Variants in AFTPH observed in about 807,000 individuals in gnomAD.
The protein encoded by AFTPH is aftiphilin.
In AFTPH, 7 loss-of-function variants were observed where a neutral mutation model predicts 72.5. That is an observed-to-expected ratio of 0.10 (90% CI 0.05 to 0.18). AFTPH has a LOEUF of 0.18. Among genes scored for constraint, AFTPH ranks in the 10% least tolerant of loss-of-function variants. The pLI, the probability that AFTPH is intolerant of heterozygous loss-of-function variation, is 1.00. For synonymous variants in AFTPH, 337 were observed against 370.1 expected, an observed-to-expected ratio of 0.91 and a Z score of 1.03; for missense variants, 979 against 1,060.5, an observed-to-expected ratio of 0.92 and a Z score of 1.07.
intron 3 of AFTPH, among the ~76,000 whole-genome samples, 154 bp downstream of exon 3, chr2:64,567,867 C>T (rs1672178479): frequency 6.6e-6 from 1 of 151,102 alleles, no homozygotes; most frequent in Non-Finnish European, 1.5e-5. Context: ...ATGGTGAAAC[C>T]CTGTCTCTAC....
At chr2:64,549,617 A>T (rs1291167566) in intron 1 of AFTPH, among the ~76,000 whole-genome samples, 2 of 152,014 alleles carry the variant, frequency 1.3e-5, no homozygotes, top group Non-Finnish European at 2.9e-5. Context: ...TTTGCTTGTA[A>T]TGTTAAATCT....
intron 1 of AFTPH, among the ~76,000 whole-genome samples, chr2:64,525,312 A>C (rs1005161472): frequency 2.6e-5 from 4 of 152,042 alleles, no homozygotes; most frequent in African/African-American, 9.7e-5. Context: ...CAGAGTATGG[A>C]GTGAGGGGTG....
intron 5 of AFTPH, 140 bp from the exon 6 acceptor site, chr2:64,572,803 TAAA>T (rs147232569): frequency 0.011 from 10,945 of 963,436 alleles, 1 homozygote; most frequent in South Asian, 0.024. Context: ...CCTTGTCTCT[TAAA>T]AAAAAAAAAA....
chr2:64,587,875 A>C lies in AFTPH; in HGVS notation c.2579+2330A>C, dbSNP rs149670327. On this transcript the variant is annotated intron_variant, in intron 8 of 8. Transcript: ENST00000238856. Reference sequence around the variant, plus strand: ...TTACTTCCTATTCTAAATCACTACTAATTAGTGACAGCTAGTTAGTAGCCA... The same window carrying C: ...TTACTTCCTATTCTAAATCACTACTCATTAGTGACAGCTAGTTAGTAGCCA... 4.4e-4 allele frequency among the ~76,000 whole-genome samples: 67 copies of C among 152,334 alleles called. 2 individuals carry two copies. The East Asian group carries it at 0.013, about 29-fold the overall frequency.
At chr2:64,551,634 C>G in exon 2 of AFTPH, 1 of 1,613,966 alleles carries the variant, frequency 6.2e-7, no homozygotes. Flanking sequence ...AGATTATACT[C>G]GTCCCAAGGA....
At chr2:64,571,675 T>G (rs1672440390) in intron 5 of AFTPH, among the ~76,000 whole-genome samples, 1 of 152,236 alleles carries the variant, frequency 6.6e-6, no homozygotes, top group Non-Finnish European at 1.5e-5. Flanking sequence ...CATTAAAGAC[T>G]TAGCAGCTTT....
intron 2 of AFTPH, among the ~76,000 whole-genome samples, chr2:64,558,846 C>T (rs1444198914): frequency 1.3e-5 from 2 of 152,196 alleles, no homozygotes; most frequent in African/African-American, 4.8e-5. Flanking sequence ...TATTCCTGGC[C>T]TGAATGCCAT....
At chr2:64,553,344 C>T in exon 2 of AFTPH, 1 of 1,611,126 alleles carries the variant, frequency 6.2e-7, no homozygotes, top group African/African-American at 1.3e-5. Flanking sequence ...GCACAGTGTA[C>T]CTTCAGCAAC....
exon 9 of AFTPH, chr2:64,592,135 AT>A: frequency 8.5e-7 from 1 of 1,170,074 alleles, no homozygotes. Context: ...AAAAAAAAAA[AT>A]TCAAGTTCAG....
chr2:64,529,858 TA>T (rs1047093954), intron 1 of AFTPH, among the ~76,000 whole-genome samples: 1 of 151,964 alleles, frequency 6.6e-6, no homozygotes, highest in Non-Finnish European at 1.5e-5. Flanking sequence ...AAAATTACTT[TA>T]AAAAAATCCC....
chr2:64,577,662 GTT>G (rs1198910948), intron 6 of AFTPH, among the ~76,000 whole-genome samples: 3 of 152,140 alleles, frequency 2.0e-5, no homozygotes, highest in African/African-American at 7.2e-5. Context: ...AGAGATGTTT[GTT>G]TCCTTTTATG....
chr2:64,572,881 A>T (rs577821307), intron 5 of AFTPH, 65 bp from the exon 6 acceptor site: 1 of 1,569,196 alleles, frequency 6.4e-7, no homozygotes, highest in East Asian at 2.3e-5. Context: ...TCTTTCTGAT[A>T]GATTAACTTA....
At chr2:64,541,829 A>C (rs553548541) in intron 1 of AFTPH, among the ~76,000 whole-genome samples, 239 of 152,314 alleles carry the variant, frequency 1.6e-3, no homozygotes, top group African/African-American at 5.6e-3. Context: ...CAAGTGACTA[A>C]TTATAAACCT....
At chr2:64,576,334 C>G (rs961226635) in intron 6 of AFTPH, among the ~76,000 whole-genome samples, 3 of 151,940 alleles carry the variant, frequency 2.0e-5, no homozygotes, top group African/African-American at 7.3e-5. Flanking sequence ...GTATAATTCC[C>G]CTTATGACTG....
chr2:64,551,722 C>T (rs1311352466), exon 2 of AFTPH: 1 of 1,613,770 alleles, frequency 6.2e-7, no homozygotes, highest in African/African-American at 1.3e-5. Flanking sequence ...AGCTTTAAGT[C>T]CATTAAAAAT....
exon 2 of AFTPH, chr2:64,552,648 A>G: frequency 1.2e-6 from 2 of 1,614,210 alleles, no homozygotes; most frequent in Non-Finnish European, 1.7e-6. Flanking sequence ...AAAGTTTACT[A>G]ATTTCCAAAG....
intron 1 of AFTPH, among the ~76,000 whole-genome samples, chr2:64,547,600 T>C (rs950054473): frequency 6.6e-6 from 1 of 152,234 alleles, no homozygotes; most frequent in Non-Finnish European, 1.5e-5. Flanking sequence ...ACTTGCAGTT[T>C]ATTTACTTAC....
intron 1 of AFTPH, among the ~76,000 whole-genome samples, chr2:64,548,349 C>T (rs1217175448): frequency 1.9e-4 from 26 of 134,322 alleles, no homozygotes; most frequent in Non-Finnish European, 3.4e-4. Context: ...GCCGAGATTG[C>T]GCCACTGCAG....
intron 1 of AFTPH, among the ~76,000 whole-genome samples, chr2:64,549,252 A>T (rs980672786): frequency 1.4e-5 from 2 of 140,878 alleles, no homozygotes; most frequent in Admixed American, 7.2e-5. Context: ...TGTAAGAAGT[A>T]TCTGTTTATT....
Sources: gnomAD v4.1 joint callset for allele counts (sites outside exome capture counted in the v4.1 genomes callset) on GRCh38, gnomAD v4.1.1 for gene constraint, MANE v1.5 for transcripts, NCBI Gene and HGNC (gene_info 2026-07-23, HGNC 2026-07-21) for gene names.